Variants in SERPINB5 observed in about 807,000 individuals in gnomAD.
The protein encoded by SERPINB5 is serpin B5.
A neutral mutation model predicts 32.2 loss-of-function variants in SERPINB5; 27 were observed. That is an observed-to-expected ratio of 0.84 (90% CI 0.62 to 1.16). The LOEUF is 1.16. SERPINB5 is among the 50% of genes most tolerant of loss of function. The pLI is 0.00. For synonymous variants in SERPINB5, 154 were observed against 157.4 expected, an observed-to-expected ratio of 0.98 and a Z score of 0.16; for missense variants, 388 against 436.3, an observed-to-expected ratio of 0.89 and a Z score of 0.99.
rs111561914 is a variant in SERPINB5 at position 63,497,255 on chromosome 18, C to A, written c.568-1865C>A. On this transcript the variant is annotated intron_variant, in intron 5 of 6. Transcript: ENST00000382771. Reference sequence around the variant, plus strand: ...GGTTCAGGGGCTAGCATTGGAATAGCGTTTGGCAGCTTGATCATTGGTTAT... The same window carrying A: ...GGTTCAGGGGCTAGCATTGGAATAGAGTTTGGCAGCTTGATCATTGGTTAT... 1,546 of 932,466 alleles carry A rather than the reference C, an allele frequency of 1.7e-3. 15 individuals are homozygous for A. In the African/African-American group the frequency reaches 0.022, roughly 13 times the overall value. 57.8% of individuals were successfully genotyped at this position (932,466 alleles called of 1,614,324 possible). A position where few individuals can be genotyped will look rare whatever the true frequency, so the allele number is the denominator to read the frequency against.
At chr18:63,479,898 T>C (rs1277908044) in intron 1 of SERPINB5, among the ~76,000 whole-genome samples, 1 of 152,212 alleles carries the variant, frequency 6.6e-6, no homozygotes, top group Non-Finnish European at 1.5e-5. Context: ...GATATGTTGA[T>C]ATCTTCAAGG....
chr18:63,492,381 G>T (rs986417804), intron 4 of SERPINB5, among the ~76,000 whole-genome samples: 2 of 152,218 alleles, frequency 1.3e-5, no homozygotes, highest in Non-Finnish European at 2.9e-5. Context: ...TGGCCTCTCT[G>T]AGCCTCAGTT....
At chr18:63,486,192 A>G (rs1734171066) in intron 2 of SERPINB5, among the ~76,000 whole-genome samples, 1 of 152,208 alleles carries the variant, frequency 6.6e-6, no homozygotes, top group Non-Finnish European at 1.5e-5. Flanking sequence ...AGCCCATTTT[A>G]CGGAGAGGAA....
intron 1 of SERPINB5, among the ~76,000 whole-genome samples, chr18:63,482,291 T>G (rs1350484212): frequency 6.6e-6 from 1 of 152,226 alleles, no homozygotes; most frequent in Non-Finnish European, 1.5e-5. Context: ...CCTTTGACTC[T>G]TGACACACGT....
At chr18:63,477,069 C>T (rs2060932201) in intron 1 of SERPINB5, 24 bp downstream of exon 1, 1 of 152,248 alleles carries the variant, frequency 6.6e-6, no homozygotes, top group South Asian at 2.1e-4. Context: ...GGTAGCAGGG[C>T]TGGTGACTTC....
At chr18:63,496,943 AG>A in intron 5 of SERPINB5, 1 of 413,094 alleles carries the variant, frequency 2.4e-6, no homozygotes, top group Non-Finnish European at 4.7e-6. Context: ...GCTCCCTTTA[AG>A]AAGAGCAGGG....
Position 63,484,588 on chromosome 18 carries a change from A to G in SERPINB5, c.160A>G (p.Ile54Val). The G allele has an allele frequency of 6.2e-7, 1 of 1,613,518 alleles. No homozygotes were observed. Among genetic ancestry groups the G allele is most frequent in the Non-Finnish European group, 8.5e-7 (1 of 1,179,822 alleles). Reference sequence around the variant, plus strand: ...TGCTAAAGGTGACACTGCAAATGAAATTGGACAGGTAAGCCCCAAAACCTT... The same window carrying G: ...TGCTAAAGGTGACACTGCAAATGAAGTTGGACAGGTAAGCCCCAAAACCTT... ...VGAKGDTANEIGQVLHFENVK... is the reference protein window; with the variant it reads ...VGAKGDTANEVGQVLHFENVK... The change falls in exon 2 of 7, where the codon ATT becomes GTT. Residue 54 changes from isoleucine (I) to valine (V), a missense_variant. Coordinates refer to ENST00000382771, the MANE Select transcript of SERPINB5 (RefSeq NM_002639.5).
intron 1 of SERPINB5, among the ~76,000 whole-genome samples, chr18:63,483,078 A>G (rs1485999424): frequency 6.6e-6 from 1 of 152,154 alleles, no homozygotes; most frequent in Non-Finnish European, 1.5e-5. Context: ...GGTGTTAGGG[A>G]CTGCCAGGAG....
rs1266233428 is a variant in SERPINB5 at position 63,498,557 on chromosome 18, T to G, written c.568-563T>G. On this transcript the variant is annotated intron_variant, in intron 5 of 6. Coordinates refer to ENST00000382771, the MANE Select transcript of SERPINB5 (RefSeq NM_002639.5). The surrounding 1 kb of genome is among the most constrained non-coding windows in gnomAD (Gnocchi z 4.2). The stretch of plus-strand genomic sequence containing the variant: ...ACAGTCTTATTTTTAAGGTTTGATC[T>G]ATGCAAATACAGTATTATATATACT... 6.6e-6 allele frequency among the ~76,000 whole-genome samples: 1 copy of G among 152,210 alleles called. No homozygotes were observed. The highest frequency in any genetic ancestry group is 1.9e-4 in the East Asian group (1 of 5,204).
At chr18:63,497,499 G>GGAAA (rs74169971) in intron 5 of SERPINB5, 53 of 223,660 alleles carry the variant, frequency 2.4e-4, no homozygotes, top group Middle Eastern at 1.5e-3. Flanking sequence ...CAACGTTTCT[G>GGAAA]AAAAAAAAAA....
At position 63,498,576 on chromosome 18, in the gene SERPINB5, A is replaced by G. The variant is rs987624738; in HGVS notation, c.568-544A>G. On this transcript the variant is annotated intron_variant, in intron 5 of 6. Coordinates refer to ENST00000382771, the MANE Select transcript of SERPINB5 (RefSeq NM_002639.5). The surrounding 1 kb of genome is among the most constrained non-coding windows in gnomAD (Gnocchi z 4.2). ...TTGATCTATGCAAATACAGTATTAT[A>G]TATACTTCATGTAATGTGTAACATG... is the stretch of plus-strand genomic sequence containing the variant. Among the ~76,000 whole-genome samples the G allele has an allele frequency of 6.6e-5, 10 of 152,154 alleles. No individual in the cohort carries two copies. Among genetic ancestry groups the G allele is most frequent in the Non-Finnish European group, 1.3e-4 (9 of 68,032 alleles).
At chr18:63,489,074 G>T (rs567397686) in intron 3 of SERPINB5, among the ~76,000 whole-genome samples, 1 of 152,114 alleles carries the variant, frequency 6.6e-6, no homozygotes, top group African/African-American at 2.4e-5. Flanking sequence ...ACCCATAAGA[G>T]AATTGGGCAT....
chr18:63,484,688 G>A, intron 2 of SERPINB5, 92 bp downstream of exon 2: 1 of 1,119,368 alleles, frequency 8.9e-7, no homozygotes, highest in East Asian at 3.0e-5. Flanking sequence ...TGTAGACTTT[G>A]TGGCCAGAAT....
chr18:63,502,618 T>C (rs761684679), intron 6 of SERPINB5, among the ~76,000 whole-genome samples: 10 of 152,228 alleles, frequency 6.6e-5, no homozygotes, highest in Non-Finnish European at 5.9e-5. Context: ...GTAGAGAAAT[T>C]ACAATAAGCA....
intron 2 of SERPINB5, 156 bp from the exon 3 acceptor site, chr18:63,486,790 A>C (rs1279125876): frequency 7.4e-6 from 5 of 675,018 alleles, no homozygotes; most frequent in Non-Finnish European, 1.3e-5. Context: ...ATCCAGCCTG[A>C]ATGTCAATAG....
intron 1 of SERPINB5, among the ~76,000 whole-genome samples, chr18:63,477,950 C>A (rs888971317): frequency 9.2e-5 from 14 of 152,136 alleles, no homozygotes; most frequent in Admixed American, 3.9e-4. Context: ...TCAAATCAGG[C>A]CTTCACACTT....
rs555249687 is a variant in SERPINB5 at position 63,504,926 on chromosome 18, T to C, written c.*1204T>C. On this transcript the variant is annotated 3_prime_UTR_variant, in exon 7 of 7. Transcript: ENST00000382771. ...ATAAGCTATCCGTGTTGCAGGTTCA[T>C]GGATTACTTCTCTATAAAAAATATG... The C allele has an allele frequency of 2.7e-5, 4 of 150,092 alleles. No individual in the cohort carries two copies. Among genetic ancestry groups the C allele is most frequent in the Middle Eastern group, 3.4e-3 (1 of 294 alleles). 9.3% of individuals were successfully genotyped at this position (150,092 alleles called of 1,614,324 possible).
chr18:63,479,671 C>T (rs1368330493), intron 1 of SERPINB5, among the ~76,000 whole-genome samples: 1 of 152,076 alleles, frequency 6.6e-6, no homozygotes, highest in African/African-American at 2.4e-5. Flanking sequence ...AGTCATCATA[C>T]CACTAACTGA....
chr18:63,498,995 GTC>G lies in SERPINB5; in HGVS notation c.568-123_568-122del, dbSNP rs1299564934. The G allele has an allele frequency of 2.8e-5, 12 of 427,862 alleles. No individual in the cohort carries two copies. Among genetic ancestry groups the G allele is most frequent in the African/African-American group, 2.0e-4 (10 of 49,072 alleles). 26.5% of individuals were successfully genotyped at this position (427,862 alleles called of 1,614,324 possible). A position where few individuals can be genotyped will look rare whatever the true frequency, so the allele number is the denominator to read the frequency against. ...TAGGTGTAGGTATATATGTATGTGT[GTC>G]TGTATATATACATGTGGGTATATAT... On this transcript the variant is annotated intron_variant, in intron 5 of 6. Coordinates refer to ENST00000382771, the MANE Select transcript of SERPINB5 (RefSeq NM_002639.5). The surrounding 1 kb of genome is among the most constrained non-coding windows in gnomAD (Gnocchi z 4.2).
Sources: allele counts gnomAD v4.1 joint callset (sites outside exome capture counted in the v4.1 genomes callset), GRCh38; gene constraint gnomAD v4.1.1; non-coding constraint Gnocchi (gnomAD v3.1); transcripts MANE v1.5; gene names NCBI Gene and HGNC (gene_info 2026-07-23, HGNC 2026-07-21).